The following PIK3AP1 variants were observed in gnomAD, a reference collection of about 807,000 sequenced individuals.
PIK3AP1 encodes the protein phosphoinositide 3-kinase adapter protein 1.
In PIK3AP1, 21 loss-of-function variants were observed where a neutral mutation model predicts 88.1. The observed-to-expected ratio is 0.24, with a 90% confidence interval of 0.17 to 0.34. The LOEUF is 0.34. Ranked by LOEUF, PIK3AP1 falls within the 10% of genes least tolerant of loss-of-function variation. The pLI is 1.00. For missense variants in PIK3AP1, 828 were observed against 1,035.7 expected (o/e 0.80, Z 2.75); for synonymous variants, 398 against 400.0 (o/e 1.00, Z 0.06).
At chr10:96,621,107 G>C (rs1376939909) in intron 11 of PIK3AP1, 1 of 160,094 alleles carries the variant, frequency 6.2e-6, no homozygotes, top group East Asian at 1.8e-4. Flanking sequence ...TGGGCACAGA[G>C]GCCAAGATGA....
chr10:96,597,315 CTT>C (rs1564948022), intron 16 of PIK3AP1, among the ~76,000 whole-genome samples: 3 of 129,138 alleles, frequency 2.3e-5, no homozygotes, highest in African/African-American at 8.9e-5. Flanking sequence ...TCCTTCCTTC[CTT>C]CCTTCCTTCC....
Position 96,595,487 on chromosome 10 carries a change from A to G in PIK3AP1, c.*90T>C. ...AGAATGGATCTTAAGGTCAACAGTC[A>G]TGCTATAAAACTCAACATGAAGACA... On this transcript the variant is annotated 3_prime_UTR_variant, in exon 17 of 17. Coordinates refer to ENST00000339364, the MANE Select transcript of PIK3AP1 (RefSeq NM_152309.3). The G allele has an allele frequency of 7.5e-7, 1 of 1,329,062 alleles. No homozygotes were observed. Among genetic ancestry groups the G allele is most frequent in the Non-Finnish European group, 1.1e-6 (1 of 928,736 alleles). 82.3% of individuals were successfully genotyped at this position (1,329,062 alleles called of 1,614,324 possible).
intron 2 of PIK3AP1, among the ~76,000 whole-genome samples, chr10:96,686,189 T>G (rs139695461): frequency 2.0e-5 from 3 of 152,194 alleles, no homozygotes; most frequent in East Asian, 1.9e-4. Context: ...CCTAACCAGA[T>G]AGTAATTTAA....
intron 12 of PIK3AP1, among the ~76,000 whole-genome samples, chr10:96,617,738 C>T (rs1048851469): frequency 4.6e-5 from 7 of 152,100 alleles, no homozygotes; most frequent in Non-Finnish European, 7.4e-5. Context: ...AGCGGAAGCA[C>T]GGGAGAAGGC....
At chr10:96,697,177 C>T (rs1054425650) in intron 2 of PIK3AP1, among the ~76,000 whole-genome samples, 4 of 152,136 alleles carry the variant, frequency 2.6e-5, no homozygotes, top group African/African-American at 9.7e-5. Context: ...AATATGACTC[C>T]GTGATAAGTA....
intron 6 of PIK3AP1, 48 bp from the exon 7 acceptor site, chr10:96,648,903 C>T (rs1260367485): frequency 1.2e-5 from 17 of 1,467,164 alleles, no homozygotes; most frequent in East Asian, 1.0e-4. Flanking sequence ...AATAAAGGCA[C>T]AGGGTGCCCT....
At chr10:96,606,010 G>A (rs1173104642) in intron 14 of PIK3AP1, among the ~76,000 whole-genome samples, 3 of 152,222 alleles carry the variant, frequency 2.0e-5, no homozygotes, top group African/African-American at 7.2e-5. Context: ...TTGAACCCGG[G>A]AGGCAGAGAT....
At chr10:96,640,400 A>G (rs973462524) in intron 8 of PIK3AP1, among the ~76,000 whole-genome samples, 2 of 152,162 alleles carry the variant, frequency 1.3e-5, no homozygotes, top group African/African-American at 4.8e-5. Flanking sequence ...AGAGCCTCAG[A>G]GAAGTGACCA....
chr10:96,645,474 G>T lies in PIK3AP1; in HGVS notation c.1374C>A (p.Leu458=). 1.2e-6 allele frequency: 2 copies of T among 1,613,182 alleles called. No homozygotes were observed. Among genetic ancestry groups the T allele is most frequent in the South Asian group, 2.2e-5 (2 of 90,956 alleles). Residue 458 remains leucine (L), a splice_region_variant and synonymous_variant, in exon 8 of 17, where the codon CTC becomes CTA. Coordinates refer to ENST00000339364, the MANE Select transcript of PIK3AP1 (RefSeq NM_152309.3). ...AAFVPAATED[L]YVEMLQASTS... is the part of the protein sequence containing the mutation. The stretch of plus-strand genomic sequence containing the variant: ...GCAGAACTGGGTTGTGCTACTTACA[G>T]AGGTCTTCAGTGGCAGCTGGGACAA...
At position 96,602,927 on chromosome 10, in the gene PIK3AP1, G is replaced by A. The variant is rs529083886; in HGVS notation, c.2242-529C>T. 1.8e-4 allele frequency among the ~76,000 whole-genome samples: 28 copies of A among 152,280 alleles called. No homozygotes were observed. In the South Asian group the frequency reaches 5.4e-3, roughly 29 times the overall value. On this transcript the variant is annotated intron_variant, in intron 15 of 16. Coordinates refer to ENST00000339364, the MANE Select transcript of PIK3AP1 (RefSeq NM_152309.3). ...GCAGAGGTGTGAGGGGAAAGAAAGC[G>A]GATGTGCACAGAGAAGCAGAGACCA... is the stretch of plus-strand genomic sequence containing the variant.
chr10:96,685,561 C>T (rs1333099410), intron 2 of PIK3AP1, among the ~76,000 whole-genome samples: 1 of 152,234 alleles, frequency 6.6e-6, no homozygotes, highest in Non-Finnish European at 1.5e-5. Context: ...ACATCTCCCA[C>T]AGCCCTGCGA....
intron 2 of PIK3AP1, among the ~76,000 whole-genome samples, chr10:96,664,931 A>C (rs1231700634): frequency 7.0e-6 from 1 of 142,852 alleles, no homozygotes; most frequent in Non-Finnish European, 1.6e-5. Context: ...CCACTCAGAC[A>C]TAAGCACTGC....
intron 2 of PIK3AP1, among the ~76,000 whole-genome samples, chr10:96,660,663 CA>C (rs1214217028): frequency 6.6e-6 from 1 of 152,088 alleles, no homozygotes; most frequent in Non-Finnish European, 1.5e-5. Context: ...CAGTATTTAC[CA>C]AAAAGAATTG....
At chr10:96,702,599 C>T (rs756560851) in intron 2 of PIK3AP1, among the ~76,000 whole-genome samples, 1 of 145,650 alleles carries the variant, frequency 6.9e-6, no homozygotes, top group Non-Finnish European at 1.5e-5. Flanking sequence ...TAAGACTAGA[C>T]TTTAAGTGTT....
intron 8 of PIK3AP1, among the ~76,000 whole-genome samples, chr10:96,640,916 G>C (rs1843377406): frequency 1.3e-5 from 2 of 152,142 alleles, no homozygotes; most frequent in Non-Finnish European, 2.9e-5. Flanking sequence ...TCCCGCCTCA[G>C]CCTCCCTAAA....
chr10:96,662,385 T>C (rs1843699832), intron 2 of PIK3AP1, among the ~76,000 whole-genome samples: 1 of 148,662 alleles, frequency 6.7e-6, no homozygotes, highest in Non-Finnish European at 1.5e-5. Context: ...GTGGATCACC[T>C]GAGGTCAGGA....
At position 96,609,841 on chromosome 10, in the gene PIK3AP1, G is replaced by C. The variant is rs1225305874; in HGVS notation, c.2041C>G (p.His681Asp). ...ACTTTTGCAGGCAGGTGCTGTGAGT[G>C]CCGAATTGGGACCGTGATCTCCAAG... is the stretch of plus-strand genomic sequence containing the variant. ...TDLEITVPIR[H>D]SQHLPAKVEF... is the part of the protein sequence containing the mutation. The change falls in exon 14 of 17, where the codon CAC becomes GAC. Residue 681 changes from histidine to aspartate, a missense_variant. His to Asp is a moderately conservative substitution (Grantham distance 81). This residue lies in a region of PIK3AP1 where 191 missense variants were observed against 208.6 expected (regional missense o/e 0.92). Coordinates refer to ENST00000339364, the MANE Select transcript of PIK3AP1 (RefSeq NM_152309.3). The C allele has an allele frequency of 6.2e-7, 1 of 1,614,106 alleles. No homozygotes were observed.
intron 13 of PIK3AP1, among the ~76,000 whole-genome samples, chr10:96,611,948 A>G (rs1181770886): frequency 6.6e-6 from 1 of 152,238 alleles, no homozygotes; most frequent in Non-Finnish European, 1.5e-5. Flanking sequence ...ATATTCTTTG[A>G]ATAAAGGTAC....
chr10:96,602,276 T>A lies in PIK3AP1; in HGVS notation c.2360+4A>T. On this transcript the variant is annotated splice_donor_region_variant and intron_variant, in intron 16 of 16. Coordinates refer to ENST00000339364, the MANE Select transcript of PIK3AP1 (RefSeq NM_152309.3). The stretch of plus-strand genomic sequence containing the variant: ...GAAAAATTTCATATCAGTTTTGATG[T>A]TACCTCTGTGAGGCAGCTCTCGGAG... 6.3e-7 allele frequency: 1 copy of A among 1,594,620 alleles called. No homozygotes were observed. The highest frequency in any genetic ancestry group is 8.6e-7 in the Non-Finnish European group (1 of 1,166,854).
Sources: gnomAD v4.1 joint callset for allele counts (sites outside exome capture counted in the v4.1 genomes callset) on GRCh38, gnomAD v4.1.1 for gene constraint, gnomAD v4.1.1 regional missense constraint, MANE v1.5 for transcripts, NCBI Gene and HGNC (gene_info 2026-07-23, HGNC 2026-07-21) for gene names.